SHROOM4: variants seen among roughly 807,000 people sequenced by gnomAD.
The protein encoded by SHROOM4 is protein Shroom4.
SHROOM4 carries 17 observed loss-of-function variants against 80.3 expected under a neutral mutation model. The ratio of observed to expected loss-of-function variants is 0.21; its 90% CI spans 0.14 to 0.32. SHROOM4 has a LOEUF of 0.32. SHROOM4 is among the 10% of genes least tolerant of loss of function. The probability of loss-of-function intolerance (pLI) is 1.00; values close to 1 mark genes in which losing one functional copy is unlikely to be tolerated. For synonymous variants in SHROOM4, 400 were observed against 437.5 expected (o/e 0.91, Z 1.07); for missense variants, 993 against 1,140.3 (o/e 0.87, Z 1.86).
chrX:50,607,249 G>T, intron 6 of SHROOM4, 132 bp downstream of exon 6: 1 of 605,243 alleles, frequency 1.7e-6, no homozygotes, highest in Non-Finnish European at 2.7e-6. Context: ...CCATTTTCCA[G>T]GTAAGAAAAC....
At chrX:50,638,152 G>A in intron 3 of SHROOM4, 22 bp downstream of exon 3, 2 of 1,199,913 alleles carry the variant, frequency 1.7e-6, no homozygotes, top group Non-Finnish European at 1.1e-6. Context: ...AGCCTGTCTT[G>A]AGGGGAGGGC....
At chrX:50,772,008 ATG>A (rs10581172) in intron 1 of SHROOM4, among the ~76,000 whole-genome samples, 3,646 of 103,016 alleles carry the variant, frequency 0.035, 61 homozygotes, top group Middle Eastern at 0.069. Flanking sequence ...CTTGTTTTTT[ATG>A]TGTGTGTGTG....
In SHROOM4 at chrX:50,814,127, C is replaced by A. The variant is rs980892010; in HGVS notation, c.-109G>T. 3.0e-5 allele frequency: 16 copies of A among 527,054 alleles called. No homozygotes were observed. The Middle Eastern group carries it at 1.6e-3, about 52-fold the overall frequency. 43.4% of individuals were successfully genotyped at this position (527,054 alleles called of 1,213,427 possible). A position where few individuals can be genotyped will look rare whatever the true frequency, so the allele number is the denominator to read the frequency against. ...CCTCCAGCTCTACGCCACCCCGCAC[C>A]GCCCTGCTCCGCCTACTCTCCCGGC... On this transcript the variant is annotated 5_prime_UTR_variant, in exon 1 of 9. Coordinates refer to ENST00000376020, the MANE Select transcript of SHROOM4 (RefSeq NM_020717.5).
chrX:50,759,610 T>C (rs1378920938), intron 1 of SHROOM4, among the ~76,000 whole-genome samples: 1 of 111,955 alleles, frequency 8.9e-6, no homozygotes, highest in Non-Finnish European at 1.9e-5. Flanking sequence ...TGCATTTACA[T>C]TGCAAAATTC....
At chrX:50,580,008 T>C in the SHROOM4 span, among the ~76,000 whole-genome samples, 1 of 111,665 alleles carries the variant, frequency 9.0e-6, no homozygotes, top group South Asian at 3.8e-4. Flanking sequence ...CCAGTCCCCA[T>C]TCTTCCTTTC....
intron 1 of SHROOM4, among the ~76,000 whole-genome samples, chrX:50,733,190 G>C (rs1934409184): frequency 8.9e-6 from 1 of 111,776 alleles, no homozygotes; most frequent in Non-Finnish European, 1.9e-5. Flanking sequence ...AACACAGAAA[G>C]AGCATTTGAC....
At chrX:50,639,416 T>C (rs1393358995) in intron 2 of SHROOM4, among the ~76,000 whole-genome samples, 1 of 110,220 alleles carries the variant, frequency 9.1e-6, no homozygotes, top group Non-Finnish European at 1.9e-5. Flanking sequence ...CTGAGAAAGA[T>C]TGTAGAGAAA....
chrX:50,811,686 T>TA (rs1459293633), intron 1 of SHROOM4, among the ~76,000 whole-genome samples: 2 of 111,555 alleles, frequency 1.8e-5, no homozygotes, highest in Non-Finnish European at 3.8e-5. Context: ...TCATTGTGCT[T>TA]AAAAAAATAC....
chrX:50,670,095 ATTTCTTTTTT>A (rs1316925179), intron 2 of SHROOM4, among the ~76,000 whole-genome samples: 1 of 111,123 alleles, frequency 9.0e-6, no homozygotes, highest in African/African-American at 3.3e-5. Flanking sequence ...TACAAAATGC[ATTTCTTTTTT>A]TTTCTTTTTT....
Position 50,635,418 on chromosome X carries a change from G to T in SHROOM4, c.655C>A (p.Gln219Lys). 8.3e-7 allele frequency: 1 copy of T among 1,206,834 alleles called. No homozygotes were observed. Among genetic ancestry groups the T allele is most frequent in the Non-Finnish European group, 1.1e-6 (1 of 892,840 alleles). ...EEPASTDCIM[Q>K]GPGPTKAPSG... Reference sequence around the variant, plus strand: ...GGGGCCTTAGTTGGCCCTGGGCCTTGCATGATGCAGTCTGTAGAGGCTGGC... The same window carrying T: ...GGGGCCTTAGTTGGCCCTGGGCCTTTCATGATGCAGTCTGTAGAGGCTGGC... Residue 219 changes from glutamine (Q) to lysine (K), a missense_variant, in exon 4 of 9, where the codon CAA (glutamine) becomes AAA (lysine). Transcript: ENST00000376020.
At chrX:50,626,701 C>T (rs1557253140) in intron 5 of SHROOM4, among the ~76,000 whole-genome samples, 1 of 112,026 alleles carries the variant, frequency 8.9e-6, no homozygotes, top group African/African-American at 3.2e-5. Context: ...ATCATACCTA[C>T]CTGACAGAGT....
At chrX:50,710,263 C>G (rs1933778603) in intron 1 of SHROOM4, among the ~76,000 whole-genome samples, 1 of 111,834 alleles carries the variant, frequency 8.9e-6, no homozygotes, top group Non-Finnish European at 1.9e-5. Flanking sequence ...TGGAAACCAC[C>G]TAAGTGTCCA....
At chrX:50,696,729 A>T (rs1489973402) in intron 1 of SHROOM4, among the ~76,000 whole-genome samples, 8 of 112,340 alleles carry the variant, frequency 7.1e-5, no homozygotes, top group African/African-American at 2.6e-4. Context: ...ATTCAGAGAA[A>T]GCTGGAAATA....
At chrX:50,647,667 G>A (rs891750008) in intron 2 of SHROOM4, among the ~76,000 whole-genome samples, 1 of 111,585 alleles carries the variant, frequency 9.0e-6, no homozygotes, top group Non-Finnish European at 1.9e-5. Flanking sequence ...CTCACTGTTC[G>A]ACCTACCACT....
intron 2 of SHROOM4, among the ~76,000 whole-genome samples, chrX:50,652,136 C>T (rs56727990): frequency 0.076 from 8,423 of 111,321 alleles, 802 homozygotes; most frequent in African/African-American, 0.26. Flanking sequence ...TTTCTGGTTC[C>T]AGATCCTTGA....
At chrX:50,691,003 C>T (rs1474885227) in intron 2 of SHROOM4, among the ~76,000 whole-genome samples, 1 of 112,587 alleles carries the variant, frequency 8.9e-6, no homozygotes, top group Admixed American at 9.4e-5. Context: ...TTGTGACATA[C>T]ATATGATCAT....
At position 50,608,043 on chromosome X, in the gene SHROOM4, T is replaced by C. The variant is rs1464684830; in HGVS notation, c.3099A>G (p.Lys1033=). 8.3e-7 allele frequency: 1 copy of C among 1,211,452 alleles called. No individual in the cohort carries two copies. The highest frequency in any genetic ancestry group is 1.1e-6 in the Non-Finnish European group (1 of 895,433). Residue 1033 remains lysine (K), a synonymous_variant, in exon 6 of 9, where the codon AAA becomes AAG. Transcript: ENST00000376020. ...CCTCATAAACTGAAGTTTCCTCTGATTTTTTCAAAGCATGTTTGAAGTCTC... is the reference window on the plus strand; with the variant it reads ...CCTCATAAACTGAAGTTTCCTCTGACTTTTTCAAAGCATGTTTGAAGTCTC... ...LLGDFKHALK[K]SEETSVYEEG... is the part of the protein sequence containing the mutation.
At chrX:50,699,938 A>G (rs782403052) in intron 1 of SHROOM4, among the ~76,000 whole-genome samples, 1 of 112,723 alleles carries the variant, frequency 8.9e-6, no homozygotes, top group Non-Finnish European at 1.9e-5. Context: ...AAATGCATTC[A>G]GAGGAGAAAC....
intron 1 of SHROOM4, among the ~76,000 whole-genome samples, chrX:50,774,733 A>G (rs1462858914): frequency 6.3e-5 from 7 of 110,569 alleles, no homozygotes; most frequent in Non-Finnish European, 1.3e-4. Flanking sequence ...TTTTGTTTAC[A>G]TATATGTTCA....
Sources: gnomAD v4.1 joint callset for allele counts (sites outside exome capture counted in the v4.1 genomes callset) on GRCh38, gnomAD v4.1.1 for gene constraint, MANE v1.5 for transcripts, NCBI Gene and HGNC (gene_info 2026-07-23, HGNC 2026-07-21) for gene names.